The following ZNF614 variants were observed in gnomAD, a reference collection of about 807,000 sequenced individuals.
ZNF614 encodes the protein zinc finger protein 614.
ZNF614 carries 11 observed loss-of-function variants against 12.8 expected under a neutral mutation model. The observed-to-expected ratio is 0.86, with a 90% confidence interval of 0.54 to 1.43. The LOEUF (loss-of-function observed/expected upper bound fraction) is 1.43. Among genes scored for constraint, ZNF614 ranks in the 40% most tolerant of loss-of-function variants. The pLI is 0.00. For missense variants in ZNF614, 664 were observed against 708.8 expected (o/e 0.94, Z 0.72); for synonymous variants, 237 against 237.5 (o/e 1.00, Z 0.02).
At position 52,025,493 on chromosome 19, in the gene ZNF614, T is replaced by G. The variant is rs568435802; in HGVS notation, c.15+238A>C. Among the ~76,000 whole-genome samples the G allele has an allele frequency of 7.9e-5, 12 of 152,252 alleles. No homozygotes were observed. The South Asian group carries it at 2.5e-3, about 32-fold the overall frequency. On this transcript the variant is annotated intron_variant, in intron 2 of 4. Transcript: ENST00000270649. ...TGTGCACCACCACACCCAGCTAATT[T>G]TTGTATTTTTTGTAGAGACGGGGTT...
At position 52,017,211 on chromosome 19, in the gene ZNF614, T is replaced by G; in HGVS notation, c.387A>C (p.Thr129=). 6.2e-7 allele frequency: 1 copy of G among 1,614,188 alleles called. No individual in the cohort carries two copies. Among genetic ancestry groups the G allele is most frequent in the Non-Finnish European group, 8.5e-7 (1 of 1,180,046 alleles). ...THFPIVQNHD[T]FDLYRKNLKS... The stretch of plus-strand genomic sequence containing the variant: ...TCAAATTTTTTCTGTACAAGTCAAA[T>G]GTATCATGATTTTGCACTATAGGAA... The change falls in exon 5 of 5, where the codon ACA becomes ACC. Residue 129 remains threonine, a synonymous_variant. Transcript: ENST00000270649.
At chr19:52,018,556 G>A in intron 2 of ZNF614, 62 bp from the exon 3 acceptor site, 1 of 1,497,756 alleles carries the variant, frequency 6.7e-7, no homozygotes, top group Non-Finnish European at 9.0e-7. Flanking sequence ...AGAAGTATAA[G>A]ATAATTTTTT....
chr19:52,017,930 A>C, intron 4 of ZNF614, 78 bp downstream of exon 4: 13 of 1,077,692 alleles, frequency 1.2e-5, no homozygotes, highest in Non-Finnish European at 1.7e-5. Context: ...ACCCTCAGAT[A>C]CTTCATATAT....
intron 1 of ZNF614, among the ~76,000 whole-genome samples, chr19:52,027,646 T>C (rs993703574): frequency 6.6e-6 from 1 of 152,174 alleles, no homozygotes; most frequent in Non-Finnish European, 1.5e-5. Context: ...CACCAAGGCC[T>C]AGGTGAGTGG....
chr19:52,015,093 A>T lies in ZNF614; in HGVS notation c.*747T>A, dbSNP rs181870439. The T allele has an allele frequency of 7.9e-5, 12 of 152,330 alleles. No individual in the cohort carries two copies. The highest frequency in any genetic ancestry group is 2.9e-4 in the African/African-American group (12 of 41,570). 9.4% of individuals were successfully genotyped at this position (152,330 alleles called of 1,614,324 possible). A position where few individuals can be genotyped will look rare whatever the true frequency, so the allele number is the denominator to read the frequency against. On this transcript the variant is annotated 3_prime_UTR_variant, in exon 5 of 5. Transcript: ENST00000270649. ...TAGAAATGAGGATTAAGGTATCCTG[A>T]CTGAAAATGCACACCAGGTGTATTA...
At chr19:52,024,755 A>G (rs959624759) in intron 2 of ZNF614, among the ~76,000 whole-genome samples, 3 of 152,208 alleles carry the variant, frequency 2.0e-5, no homozygotes, top group African/African-American at 7.2e-5. Flanking sequence ...AATCTCAAGT[A>G]CCCAGGGACA....
chr19:52,018,441 C>T lies in ZNF614; in HGVS notation c.69G>A (p.Gln23=), dbSNP rs776691239. 1.9e-6 allele frequency: 3 copies of T among 1,614,040 alleles called. No individual in the cohort carries two copies. The highest frequency in any genetic ancestry group is 2.7e-5 in the African/African-American group (2 of 74,928). ...GGTTCTTCTGAGCAGTGTCCAGGAG[C>T]TGCCACTCCTCCCAGCTGAATTCCA... ...VAVEFSWEEW[Q]LLDTAQKNLY... is the part of the protein sequence containing the mutation. Residue 23 remains glutamine, a synonymous_variant, in exon 3 of 5, where the codon CAG becomes CAA. Transcript: ENST00000270649.
intron 2 of ZNF614, among the ~76,000 whole-genome samples, chr19:52,024,184 C>T (rs947162644): frequency 2.6e-5 from 4 of 152,074 alleles, no homozygotes; most frequent in Admixed American, 6.5e-5. Flanking sequence ...TCATAATAAG[C>T]CAGTAATCTA....
Position 52,017,703 on chromosome 19 carries a change from A to AG in ZNF614, c.238+304_238+305insC, listed in dbSNP as rs1378766838. The AG allele has an allele frequency of 1.9e-5, 6 of 315,182 alleles. No homozygotes were observed. The East Asian group carries it at 3.0e-4, about 16-fold the overall frequency. The allele number at this position is 315,182 out of a possible 1,614,324, so 19.5% of individuals were successfully genotyped here. ...GTGATAGAGCGAGACTCAGTCTAAA[A>AG]AAAAAAAAAAAAAATCTTAGCTTAT... On this transcript the variant is annotated intron_variant, in intron 4 of 4. Transcript: ENST00000270649.
In ZNF614 at chr19:52,017,261, T is replaced by C. The variant is rs773849493; in HGVS notation, c.337A>G (p.Ile113Val). ...QCNGQNTLRN[I>V]VHLSKTHFPI... Reference sequence around the variant, plus strand: ...AAATGTGTCTTGCTGAGATGTACAATATTTCTAAGTGTATTCTGTCCATTG... The same window carrying C: ...AAATGTGTCTTGCTGAGATGTACAACATTTCTAAGTGTATTCTGTCCATTG... Residue 113 changes from isoleucine to valine, a missense_variant, in exon 5 of 5, where the codon ATT becomes GTT. By Grantham distance (29) the Ile-to-Val change is conservative. Coordinates refer to ENST00000270649, the MANE Select transcript of ZNF614 (RefSeq NM_025040.4). 15 of 1,613,974 alleles carry C rather than the reference T, an allele frequency of 9.3e-6. No individual in the cohort carries two copies. In the African/African-American group the frequency reaches 1.2e-4, roughly 13 times the overall value.
intron 4 of ZNF614, 128 bp from the exon 5 acceptor site, chr19:52,017,487 A>C: frequency 1.2e-6 from 1 of 829,146 alleles, no homozygotes; most frequent in Admixed American, 3.0e-5. Flanking sequence ...GCAGATCACG[A>C]GGTCAGGAGT....
intron 2 of ZNF614, among the ~76,000 whole-genome samples, chr19:52,020,885 G>A (rs2086929106): frequency 6.6e-6 from 1 of 152,156 alleles, no homozygotes; most frequent in African/African-American, 2.4e-5. Flanking sequence ...CGAAAACAAA[G>A]GCTAGCCAAA....
intron 2 of ZNF614, among the ~76,000 whole-genome samples, chr19:52,023,346 T>G (rs183289508): frequency 7.9e-5 from 12 of 152,012 alleles, no homozygotes; most frequent in African/African-American, 2.9e-4. Context: ...TTTTTGTATT[T>G]TTAGTAGAGA....
Position 52,017,126 on chromosome 19 carries a change from A to G in ZNF614, c.472T>C (p.Phe158Leu). 1 of 1,614,090 alleles carries G rather than the reference A, an allele frequency of 6.2e-7. No homozygotes were observed. Among genetic ancestry groups the G allele is most frequent in the Non-Finnish European group, 8.5e-7 (1 of 1,180,012 alleles). ...RRHGINNPVE[F>L]IGGEKTLLHG... is the part of the protein sequence containing the mutation. ...AGAAGTGTTTTCTCACCTCCAATAA[A>G]CTCAACAGGGTTATTTATTCCATGT... Residue 158 changes from phenylalanine to leucine, a missense_variant, in exon 5 of 5, where the codon TTT becomes CTT. By Grantham distance (22) the Phe-to-Leu change is conservative. Coordinates refer to ENST00000270649, the MANE Select transcript of ZNF614 (RefSeq NM_025040.4).
chr19:52,018,250 G>C (rs2086912817), intron 3 of ZNF614, 118 bp downstream of exon 3: 10 of 1,528,256 alleles, frequency 6.5e-6, no homozygotes, highest in Non-Finnish European at 9.0e-6. Flanking sequence ...TCAGAGAGGG[G>C]ACTGAAAATG....
At position 52,016,090 on chromosome 19, in the gene ZNF614, C is replaced by A. The variant is rs2086894524; in HGVS notation, c.1508G>T (p.Arg503Ile). The A allele has an allele frequency of 1.2e-6, 2 of 1,614,104 alleles. No individual in the cohort carries two copies. The highest frequency in any genetic ancestry group is 8.5e-7 in the Non-Finnish European group (1 of 1,180,024). ...ATAAGGTTTCTCTCCTGTGTGAATT[C>A]TCTGATGGGTAATGAGGCCATATTT... ...SHKYGLITHQ[R>I]IHTGEKPYEC... Residue 503 changes from arginine to isoleucine, a missense_variant, in exon 5 of 5, where the codon AGA (arginine) becomes ATA (isoleucine). Transcript: ENST00000270649.
rs1468515799 is a variant in ZNF614 at position 52,016,982 on chromosome 19, C to A, written c.616G>T (p.Ala206Ser). Residue 206 changes from alanine to serine, a missense_variant, in exon 5 of 5, where the codon GCA becomes TCA. Coordinates refer to ENST00000270649, the MANE Select transcript of ZNF614 (RefSeq NM_025040.4). ...QRTQKIEKPH[A>S]CIECEQTFLR... ...AAGGTTTGCTCACATTCAATGCATG[C>A]ATGGGGTTTCTCAATTTTCTGAGTC... The A allele has an allele frequency of 6.2e-7, 1 of 1,613,882 alleles. No individual in the cohort carries two copies. Among genetic ancestry groups the A allele is most frequent in the Admixed American group, 1.7e-5 (1 of 59,998 alleles).
At chr19:52,026,674 TGCGGTTGAGATAAGAGAAAG>T (rs1483900818) in intron 1 of ZNF614, among the ~76,000 whole-genome samples, 3 of 152,148 alleles carry the variant, frequency 2.0e-5, no homozygotes, top group Admixed American at 6.5e-5. Context: ...AAGGCCTCTT[TGCGGTTGAGATAAGAGAAAG>T]GCATCTGTCT....
chr19:52,026,259 A>T (rs2086971595), intron 1 of ZNF614, among the ~76,000 whole-genome samples: 1 of 152,210 alleles, frequency 6.6e-6, no homozygotes, highest in African/African-American at 2.4e-5. Flanking sequence ...ATGCAGAAAG[A>T]AGTAGACATA....
Sources: gnomAD v4.1 joint callset for allele counts (sites outside exome capture counted in the v4.1 genomes callset) on GRCh38, gnomAD v4.1.1 for gene constraint, MANE v1.5 for transcripts, NCBI Gene and HGNC (gene_info 2026-07-23, HGNC 2026-07-21) for gene names.